The following XPO6 variants were observed in gnomAD, a reference collection of about 807,000 sequenced individuals.
The protein encoded by XPO6 is exportin 6.
In XPO6, 3 loss-of-function variants were observed where a neutral mutation model predicts 130.0. The ratio of observed to expected loss-of-function variants is 0.02; its 90% CI spans 0.01 to 0.06. The LOEUF (loss-of-function observed/expected upper bound fraction) is 0.06. Among genes scored for constraint, XPO6 ranks in the 10% least tolerant of loss-of-function variants. The pLI is 1.00. For synonymous variants in XPO6, 524 were observed against 548.9 expected (o/e 0.95, Z 0.63); for missense variants, 970 against 1,393.0 (o/e 0.70, Z 4.83).
chr16:28,151,179 T>TAAA (rs57769506), intron 8 of XPO6, among the ~76,000 whole-genome samples: 31,619 of 106,682 alleles, frequency 0.3, 5,343 homozygotes, highest in Middle Eastern at 0.37. Context: ...CACTAGTGGT[T>TAAA]AAAAAAAAAA....
chr16:28,114,504 CA>C (rs1447892391), intron 15 of XPO6, among the ~76,000 whole-genome samples: 1 of 152,168 alleles, frequency 6.6e-6, no homozygotes, highest in Non-Finnish European at 1.5e-5. Context: ...ATAAAGTGTG[CA>C]ATAAGCATTA....
Position 28,117,454 on chromosome 16 carries a change from T to C in XPO6, c.1868A>G (p.Gln623Arg). The change falls in exon 15 of 24, where the codon CAG (glutamine) becomes CGG (arginine). Residue 623 changes from glutamine to arginine, a missense_variant. Transcript: ENST00000304658. ...GTAAGCCTGCAGCGCAGCCAGGGAC[T>C]GAGCATGCCTGCAGAAAGAAAAGAA... is the stretch of plus-strand genomic sequence containing the variant. ...LKPDLIDVHA[Q>R]SLAALQAYSH... is the part of the protein sequence containing the mutation. 6.2e-7 allele frequency: 1 copy of C among 1,613,046 alleles called. No individual in the cohort carries two copies. The highest frequency in any genetic ancestry group is 8.5e-7 in the Non-Finnish European group (1 of 1,179,056).
chr16:28,104,417 ATTAAC>A (rs2086726750), intron 21 of XPO6, 124 bp downstream of exon 21: 19 of 1,198,020 alleles, frequency 1.6e-5, no homozygotes, highest in Non-Finnish European at 2.2e-5. Context: ...CAAGAAATTA[ATTAAC>A]TTCATCAATA....
Position 28,106,351 on chromosome 16 carries a change from C to T in XPO6, c.2612+32G>A. 6.2e-7 allele frequency: 1 copy of T among 1,611,168 alleles called. No homozygotes were observed. The highest frequency in any genetic ancestry group is 8.5e-7 in the Non-Finnish European group (1 of 1,177,334). Reference sequence around the variant, plus strand: ...CAGACCCACCACTTCTCCCTTGAATCTGAAAACTATAGATGGTGGGTCTGT... The same window carrying T: ...CAGACCCACCACTTCTCCCTTGAATTTGAAAACTATAGATGGTGGGTCTGT... On this transcript the variant is annotated intron_variant, in intron 19 of 23. Coordinates refer to ENST00000304658, the MANE Select transcript of XPO6 (RefSeq NM_015171.4). This position sits in a 1 kb window ranked among gnomAD's most constrained non-coding sequence, Gnocchi z 4.2.
intron 13 of XPO6, among the ~76,000 whole-genome samples, chr16:28,125,438 G>A (rs2087371736): frequency 6.6e-6 from 1 of 152,230 alleles, no homozygotes; most frequent in Non-Finnish European, 1.5e-5. Flanking sequence ...GCTAGGCACA[G>A]TGCTAAGTGC....
intron 9 of XPO6, among the ~76,000 whole-genome samples, chr16:28,137,288 A>G (rs1401913604): frequency 1.3e-5 from 2 of 152,226 alleles, no homozygotes; most frequent in East Asian, 1.9e-4. Context: ...TGACAGCCCC[A>G]GCTTCTTGCC....
chr16:28,158,272 T>TA (rs1347637561), intron 6 of XPO6, among the ~76,000 whole-genome samples: 1 of 152,212 alleles, frequency 6.6e-6, no homozygotes, highest in Non-Finnish European at 1.5e-5. Flanking sequence ...AAACTATTTT[T>TA]AAAGGAATAC....
intron 6 of XPO6, among the ~76,000 whole-genome samples, chr16:28,163,814 A>G (rs1293388318): frequency 1.3e-5 from 2 of 152,172 alleles, no homozygotes; most frequent in African/African-American, 4.8e-5. Flanking sequence ...GTGCACCTAG[A>G]TTTGGAATTC....
At chr16:28,147,171 G>A (rs755723999) in intron 8 of XPO6, among the ~76,000 whole-genome samples, 12 of 152,270 alleles carry the variant, frequency 7.9e-5, no homozygotes, top group Non-Finnish European at 1.3e-4. Context: ...AAATCTAGAC[G>A]TTTACAAGGG....
At chr16:28,100,991 TG>T in intron 23 of XPO6, 1 of 238,626 alleles carries the variant, frequency 4.2e-6, no homozygotes, top group Non-Finnish European at 8.4e-6. Context: ...GAGCTGGGGC[TG>T]GTCTGGAAAG....
intron 4 of XPO6, among the ~76,000 whole-genome samples, chr16:28,170,524 T>C (rs1257379123): frequency 6.6e-6 from 1 of 152,198 alleles, no homozygotes; most frequent in Non-Finnish European, 1.5e-5. Flanking sequence ...AACACAGCCT[T>C]TGTTACTTTG....
intron 9 of XPO6, among the ~76,000 whole-genome samples, chr16:28,139,537 T>C (rs2042846372): frequency 6.6e-6 from 1 of 152,158 alleles, no homozygotes; most frequent in Admixed American, 6.5e-5. Flanking sequence ...TTAAGAGCTA[T>C]AAAATATGAA....
chr16:28,211,188 G>C (rs1218499904), intron 1 of XPO6, among the ~76,000 whole-genome samples, 178 bp downstream of exon 1: 1 of 152,196 alleles, frequency 6.6e-6, no homozygotes, highest in African/African-American at 2.4e-5. Flanking sequence ...CATCATCCCT[G>C]GGGGGATGGG....
intron 9 of XPO6, among the ~76,000 whole-genome samples, chr16:28,145,794 T>C (rs1231066174): frequency 6.6e-6 from 1 of 152,174 alleles, no homozygotes; most frequent in Non-Finnish European, 1.5e-5. Context: ...TGTCATATCA[T>C]TTTATCCAAT....
chr16:28,112,920 A>G lies in XPO6; in HGVS notation c.2135T>C (p.Leu712Pro), dbSNP rs755127161. The G allele has an allele frequency of 6.2e-7, 1 of 1,613,720 alleles. No homozygotes were observed. The highest frequency in any genetic ancestry group is 1.1e-5 in the South Asian group (1 of 91,014). ...GGGCCTCACCTTATCGACAAGTCGC[A>G]GGGCAGAGGCATCAGTGATTCTGTT... ...VFNRITDASA[L>P]RLVDKAQVLV... Residue 712 changes from leucine (L) to proline (P), a missense_variant, in exon 16 of 24, where the codon CTG (leucine) becomes CCG (proline). Physicochemically the swap from Leu to Pro is moderately conservative, Grantham distance 98. Around this residue, in one of 4 missense-constraint regions of XPO6, gnomAD observed 936 missense variants for 1,306.8 expected, o/e 0.72. Coordinates refer to ENST00000304658, the MANE Select transcript of XPO6 (RefSeq NM_015171.4).
rs370727941 is a variant in XPO6, at chr16:28,197,964, TAAAAAA to T, written c.3+13396_3+13401del. Among the ~76,000 whole-genome samples the T allele has an allele frequency of 1.4e-4, 4 of 27,640 alleles. No homozygotes were observed. In the East Asian group the frequency reaches 3.7e-3, roughly 25 times the overall value. The allele number at this position is 27,640 out of a possible 152,430, so 18.1% of individuals were successfully genotyped here. ...TTGTTCAGACTACATCTAAGTTTAT[TAAAAAA>T]AAAAAAAAAAAAAAAAAAACCCTCA... On this transcript the variant is annotated intron_variant, in intron 1 of 23. Transcript: ENST00000304658.
At chr16:28,188,248 G>C (rs1205825238) in intron 1 of XPO6, among the ~76,000 whole-genome samples, 1 of 152,112 alleles carries the variant, frequency 6.6e-6, no homozygotes, top group Non-Finnish European at 1.5e-5. Context: ...AGCCAAAAAT[G>C]ACTATTTTTT....
At chr16:28,125,046 T>A (rs1391402097) in intron 13 of XPO6, among the ~76,000 whole-genome samples, 1 of 152,208 alleles carries the variant, frequency 6.6e-6, no homozygotes, top group Non-Finnish European at 1.5e-5. Context: ...GACTGCTGAC[T>A]GAGTAGAATC....
intron 15 of XPO6, among the ~76,000 whole-genome samples, chr16:28,116,737 T>C (rs1239207727): frequency 6.6e-6 from 1 of 152,220 alleles, no homozygotes; most frequent in Non-Finnish European, 1.5e-5. Context: ...GTCTTTGGTT[T>C]GTGGCACTCC....
Sources: gnomAD v4.1 joint callset for allele counts (sites outside exome capture counted in the v4.1 genomes callset) on GRCh38, gnomAD v4.1.1 for gene constraint, gnomAD v4.1.1 regional missense constraint, Gnocchi (gnomAD v3.1) non-coding constraint, MANE v1.5 for transcripts, NCBI Gene and HGNC (gene_info 2026-07-23, HGNC 2026-07-21) for gene names.